NCAM2: variants seen among roughly 807,000 people sequenced by gnomAD.
The protein encoded by NCAM2 is neural cell adhesion molecule 2.
NCAM2 carries 30 observed loss-of-function variants against 98.1 expected under a neutral mutation model. That is an observed-to-expected ratio of 0.31 (90% confidence interval 0.23 to 0.41). The LOEUF (loss-of-function observed/expected upper bound fraction) is 0.41. Ranked by LOEUF, NCAM2 falls within the 10% of genes least tolerant of loss-of-function variation. The pLI is 1.00. For synonymous variants in NCAM2, 368 were observed against 342.4 expected (o/e 1.07, Z -0.83); for missense variants, 867 against 1,005.8 (o/e 0.86, Z 1.87).
chr21:21,063,280 G>A (rs2065360816), intron 1 of NCAM2, among the ~76,000 whole-genome samples: 1 of 131,090 alleles, frequency 7.6e-6, no homozygotes, highest in African/African-American at 2.9e-5. Flanking sequence ...GAGTGCAGAG[G>A]TGACCTGGGC....
intron 1 of NCAM2, among the ~76,000 whole-genome samples, chr21:21,221,220 T>C (rs531470579): frequency 4.3e-4 from 66 of 152,256 alleles, no homozygotes; most frequent in Admixed American, 1.2e-3. Context: ...CTCCCTCTTC[T>C]CTGGCTCCCC....
At chr21:21,385,192 A>G (rs1458738254) in intron 9 of NCAM2, among the ~76,000 whole-genome samples, 3 of 151,942 alleles carry the variant, frequency 2.0e-5, no homozygotes, top group African/African-American at 7.3e-5. Context: ...TAGATATTTT[A>G]TTTCGCAACA....
chr21:21,211,898 C>T (rs116153874), intron 1 of NCAM2, among the ~76,000 whole-genome samples: 2,103 of 152,284 alleles, frequency 0.014, 52 homozygotes, highest in African/African-American at 0.048. Context: ...ATTCCCAGTT[C>T]TTTACCTCAA....
At chr21:21,108,674 T>A (rs2066396846) in intron 1 of NCAM2, among the ~76,000 whole-genome samples, 1 of 152,156 alleles carries the variant, frequency 6.6e-6, no homozygotes, top group Non-Finnish European at 1.5e-5. Flanking sequence ...GAGCTGTATT[T>A]TCTTGCATTC....
intron 12 of NCAM2, among the ~76,000 whole-genome samples, chr21:21,447,503 GA>G (rs1980360888): frequency 1.3e-5 from 2 of 152,082 alleles, no homozygotes; most frequent in Non-Finnish European, 2.9e-5. Context: ...AAAACTTCAT[GA>G]CGAAAAGCCA....
intron 16 of NCAM2, among the ~76,000 whole-genome samples, chr21:21,527,394 G>C (rs535128496): frequency 3.9e-5 from 6 of 152,098 alleles, no homozygotes; most frequent in Non-Finnish European, 7.4e-5. Flanking sequence ...CTCTGCAAAA[G>C]ACATTGTTAA....
intron 2 of NCAM2, among the ~76,000 whole-genome samples, chr21:21,282,785 C>G (rs1385156031): frequency 6.6e-6 from 1 of 151,476 alleles, no homozygotes; most frequent in Non-Finnish European, 1.5e-5. Flanking sequence ...TACAAATAGT[C>G]CAGCCTTATC....
At chr21:21,474,959 T>A (rs977323324) in intron 14 of NCAM2, among the ~76,000 whole-genome samples, 11 of 151,050 alleles carry the variant, frequency 7.3e-5, no homozygotes, top group African/African-American at 2.7e-4. Context: ...CTTTTTAAGC[T>A]TTTTTGTTCT....
At chr21:21,106,354 T>C (rs1311389483) in intron 1 of NCAM2, among the ~76,000 whole-genome samples, 1 of 139,120 alleles carries the variant, frequency 7.2e-6, no homozygotes, top group Non-Finnish European at 1.5e-5. Flanking sequence ...TGATTATTTC[T>C]GGGCAATATA....
At chr21:21,146,722 A>T (rs2067285475) in intron 1 of NCAM2, among the ~76,000 whole-genome samples, 1 of 152,114 alleles carries the variant, frequency 6.6e-6, no homozygotes, top group Non-Finnish European at 1.5e-5. Flanking sequence ...TCAAGTGAAA[A>T]ACATACATTA....
chr21:21,356,695 A>G (rs1309453456), intron 8 of NCAM2, among the ~76,000 whole-genome samples: 1 of 152,070 alleles, frequency 6.6e-6, no homozygotes, highest in East Asian at 1.9e-4. Context: ...GTGTAGCGCT[A>G]AAAATATAAG....
At chr21:21,381,396 CTA>C (rs2076151302) in intron 9 of NCAM2, among the ~76,000 whole-genome samples, 1 of 151,614 alleles carries the variant, frequency 6.6e-6, no homozygotes, top group African/African-American at 2.4e-5. Context: ...GTTTTTTTTC[CTA>C]TGTTTTTTTC....
Position 21,164,452 on chromosome 21 carries a change from A to G in NCAM2, c.56-116126A>G, listed in dbSNP as rs573302434. Among the ~76,000 whole-genome samples, 7 of 152,318 alleles carry G rather than the reference A, an allele frequency of 4.6e-5. No homozygotes were observed. The South Asian group carries it at 1.4e-3, about 32-fold the overall frequency. Reference sequence around the variant, plus strand: ...GCAAGATATTTGCAAAGAAGAATTGATATTGCCTGACCTTTCTAGTGAGTA... The same window carrying G: ...GCAAGATATTTGCAAAGAAGAATTGGTATTGCCTGACCTTTCTAGTGAGTA... On this transcript the variant is annotated intron_variant, in intron 1 of 17. Transcript: ENST00000400546.
At chr21:21,069,672 G>A (rs1488094612) in intron 1 of NCAM2, among the ~76,000 whole-genome samples, 1 of 151,224 alleles carries the variant, frequency 6.6e-6, no homozygotes, top group Non-Finnish European at 1.5e-5. Context: ...ATACCATGAT[G>A]CCTGTACTTT....
chr21:21,366,823 T>G (rs1185163731), intron 8 of NCAM2, among the ~76,000 whole-genome samples: 1 of 152,088 alleles, frequency 6.6e-6, no homozygotes, highest in Non-Finnish European at 1.5e-5. Context: ...TTCACACGTT[T>G]TAAGTATCAC....
intron 12 of NCAM2, among the ~76,000 whole-genome samples, chr21:21,453,543 G>A (rs1981661797): frequency 6.6e-6 from 1 of 152,022 alleles, no homozygotes; most frequent in Non-Finnish European, 1.5e-5. Context: ...CTAGAAAGGA[G>A]TATAGGAGAG....
chr21:21,410,225 T>C, intron 9 of NCAM2, 49 bp from the exon 10 acceptor site: 1 of 1,048,418 alleles, frequency 9.5e-7, no homozygotes. Context: ...TAAATGATTA[T>C]TTAACTTAAA....
At chr21:21,453,971 T>C (rs1030576944) in intron 12 of NCAM2, among the ~76,000 whole-genome samples, 1 of 152,116 alleles carries the variant, frequency 6.6e-6, no homozygotes, top group African/African-American at 2.4e-5. Context: ...CCTATGAATG[T>C]TCTTTTTGAA....
In NCAM2 at chr21:21,508,909, G is replaced by A; in HGVS notation, c.2136G>A (p.Leu712=). The part of the protein sequence containing the change: ...GAVIGLGVAA[L]LLILVVTDVS... ...TAATTGGCCTGGGAGTTGCTGCACT[G>A]CTGCTAATTCTTGTGGTAACAGACG... The change falls in exon 16 of 18, where the codon CTG becomes CTA. Residue 712 remains leucine, a synonymous_variant. Transcript: ENST00000400546. The A allele has an allele frequency of 6.3e-7, 1 of 1,591,404 alleles. No homozygotes were observed. The highest frequency in any genetic ancestry group is 8.5e-7 in the Non-Finnish European group (1 of 1,173,904).
Sources: gnomAD v4.1 joint callset for allele counts (sites outside exome capture counted in the v4.1 genomes callset) on GRCh38, gnomAD v4.1.1 for gene constraint, MANE v1.5 for transcripts, NCBI Gene and HGNC (gene_info 2026-07-23, HGNC 2026-07-21) for gene names.